CCL28: variants seen among roughly 807,000 people sequenced by gnomAD.
CCL28 encodes the protein C-C motif chemokine 28.
In CCL28, 4 loss-of-function variants were observed where a neutral mutation model predicts 7.1. That is an observed-to-expected ratio of 0.56 (90% CI 0.28 to 1.29). CCL28 has a LOEUF of 1.29. Ranked by LOEUF, CCL28 falls within the 50% of genes most tolerant of loss-of-function variation. CCL28 has a pLI of 0.11. For missense variants in CCL28, 151 were observed against 163.4 expected, an observed-to-expected ratio of 0.92 and a Z score of 0.41; for synonymous variants, 55 against 57.8, an observed-to-expected ratio of 0.95 and a Z score of 0.22.
chr5:43,378,022 G>A (rs555409595), downstream of CCL28, among the ~76,000 whole-genome samples: 214 of 131,672 alleles, frequency 1.6e-3, no homozygotes, highest in African/African-American at 7.6e-3. Context: ...GTGAGCCACC[G>A]CGCCCGGCCA....
the CCL28 span, among the ~76,000 whole-genome samples, chr5:43,362,063 T>A: frequency 6.6e-6 from 1 of 152,192 alleles, no homozygotes; most frequent in African/African-American, 2.4e-5. Flanking sequence ...AGAAATAGCA[T>A]TGAATCTGTA....
At chr5:43,376,873 C>G (rs954318830), downstream of CCL28, 1 of 152,212 alleles carries the variant, frequency 6.6e-6, no homozygotes, top group Non-Finnish European at 1.5e-5. Flanking sequence ...TCAGTAGTTT[C>G]ATCAGTATGC....
intron 1 of CCL28, among the ~76,000 whole-genome samples, chr5:43,391,305 T>C (rs1450712587): frequency 6.6e-6 from 1 of 152,126 alleles, no homozygotes; most frequent in Non-Finnish European, 1.5e-5. Context: ...TTCATGCAAA[T>C]TTGGTTGGAA....
the CCL28 span, among the ~76,000 whole-genome samples, chr5:43,371,380 TG>T: frequency 6.6e-6 from 1 of 152,242 alleles, no homozygotes; most frequent in Non-Finnish European, 1.5e-5. Flanking sequence ...CATGCCATTG[TG>T]TAGTCCCCAC....
At chr5:43,376,632 T>A (rs1561150683), downstream of CCL28, 1 of 152,230 alleles carries the variant, frequency 6.6e-6, no homozygotes, top group Non-Finnish European at 1.5e-5. Flanking sequence ...ACTGATACAT[T>A]GAGACAGCAG....
downstream of CCL28, among the ~76,000 whole-genome samples, chr5:43,378,602 C>A (rs1453160916): frequency 6.6e-6 from 1 of 152,160 alleles, no homozygotes; most frequent in African/African-American, 2.4e-5. Flanking sequence ...GTACATAGTA[C>A]AGTAACAGTG....
At chr5:43,411,682 G>A (rs958446030) in intron 1 of CCL28, among the ~76,000 whole-genome samples, 5 of 152,132 alleles carry the variant, frequency 3.3e-5, no homozygotes, top group African/African-American at 9.7e-5. Context: ...TCCTCCAGCC[G>A]TAGCCTCCCA....
At chr5:43,360,899 G>T in the CCL28 span, among the ~76,000 whole-genome samples, 18 of 152,046 alleles carry the variant, frequency 1.2e-4, no homozygotes, top group Admixed American at 1.2e-3. Context: ...CACATGCCAT[G>T]GTGGTTTGAT....
intron 1 of CCL28, among the ~76,000 whole-genome samples, chr5:43,390,679 A>T (rs1740534474): frequency 6.6e-6 from 1 of 152,240 alleles, no homozygotes; most frequent in African/African-American, 2.4e-5. Context: ...CAAAACTGGG[A>T]GTAAGGGTTC....
chr5:43,387,580 C>T (rs549360023), intron 2 of CCL28, among the ~76,000 whole-genome samples: 14 of 152,286 alleles, frequency 9.2e-5, no homozygotes, highest in Admixed American at 2.6e-4. Flanking sequence ...GATATTTCCA[C>T]GCTTCTTTTT....
At chr5:43,407,212 T>A (rs1381627571) in intron 1 of CCL28, among the ~76,000 whole-genome samples, 1 of 152,104 alleles carries the variant, frequency 6.6e-6, no homozygotes, top group Non-Finnish European at 1.5e-5. Context: ...AGAACAAAGC[T>A]GGAGGCATCA....
chr5:43,381,977 A>G lies in CCL28; in HGVS notation c.267T>C (p.Ala89=). The G allele has an allele frequency of 6.2e-7, 1 of 1,614,136 alleles. No individual in the cohort carries two copies. Among genetic ancestry groups the G allele is most frequent in the Non-Finnish European group, 8.5e-7 (1 of 1,180,018 alleles). The part of the protein sequence containing the change: ...HTVKQWMKVQ[A]AKKNGKGNVC... ...CATTTCCTTTACCATTTTTCTTGGCAGCTTGCACTTTCATCCACTGCTTAA... is the reference window on the plus strand; with the variant it reads ...CATTTCCTTTACCATTTTTCTTGGCGGCTTGCACTTTCATCCACTGCTTAA... Residue 89 remains alanine (A), a synonymous_variant, in exon 3 of 3, where the codon GCT becomes GCC. Transcript: ENST00000361115.
At chr5:43,384,248 T>C (rs996163700) in intron 2 of CCL28, among the ~76,000 whole-genome samples, 4 of 151,924 alleles carry the variant, frequency 2.6e-5, no homozygotes, top group African/African-American at 9.7e-5. Flanking sequence ...ATGGAAGAGA[T>C]ATAGACAGAG....
chr5:43,382,912 G>A (rs962388054), intron 2 of CCL28, among the ~76,000 whole-genome samples: 10 of 151,622 alleles, frequency 6.6e-5, no homozygotes, highest in East Asian at 5.8e-4. Context: ...TCCGTCTCCC[G>A]GGTTCAAGTG....
At chr5:43,406,996 A>G (rs887089612) in intron 1 of CCL28, among the ~76,000 whole-genome samples, 3 of 152,256 alleles carry the variant, frequency 2.0e-5, no homozygotes, top group Non-Finnish European at 4.4e-5. Flanking sequence ...AAAAGAGGAT[A>G]CAAAGAAATG....
chr5:43,365,004 C>CTTTTTT, the CCL28 span, among the ~76,000 whole-genome samples: 3 of 112,764 alleles, frequency 2.7e-5, 1 homozygote, highest in Non-Finnish European at 3.5e-5. Context: ...GGTCTTGACT[C>CTTTTTT]TTTTTTTTTT....
chr5:43,403,538 G>A (rs1309024294), intron 1 of CCL28, among the ~76,000 whole-genome samples: 3 of 152,156 alleles, frequency 2.0e-5, no homozygotes, highest in Non-Finnish European at 4.4e-5. Context: ...ACCAAAGGTA[G>A]ACAAAACCAC....
intron 1 of CCL28, among the ~76,000 whole-genome samples, chr5:43,394,621 A>G (rs1740726010): frequency 6.6e-6 from 1 of 152,160 alleles, no homozygotes; most frequent in Non-Finnish European, 1.5e-5. Context: ...TAAGAATTCT[A>G]TTGATTATTT....
rs927626265 is a variant in CCL28 at position 43,381,519 on chromosome 5, C to T, written c.*341G>A. ...GGATTATAGGCAAGTACTACCATGC[C>T]GGGCCAATTTTTTTTTTGTTTGTAG... On this transcript the variant is annotated 3_prime_UTR_variant, in exon 3 of 3. Coordinates refer to ENST00000361115, the MANE Select transcript of CCL28 (RefSeq NM_148672.3). The T allele has an allele frequency of 4.6e-5, 8 of 172,370 alleles. No individual in the cohort carries two copies. The highest frequency in any genetic ancestry group is 1.4e-4 in the African/African-American group (6 of 42,094). 10.7% of individuals were successfully genotyped at this position (172,370 alleles called of 1,614,324 possible).
Sources: gnomAD v4.1 joint callset for allele counts (sites outside exome capture counted in the v4.1 genomes callset) on GRCh38, gnomAD v4.1.1 for gene constraint, MANE v1.5 for transcripts, NCBI Gene and HGNC (gene_info 2026-07-23, HGNC 2026-07-21) for gene names.